The following FRMD4B variants were observed in gnomAD, a reference collection of about 807,000 sequenced individuals.
FRMD4B encodes FERM domain containing 4B, also known as FERM domain-containing protein 4B.
Under a neutral mutation model 141.5 loss-of-function variants are expected in FRMD4B, and 74 were observed. The ratio of observed to expected loss-of-function variants is 0.52; its 90% CI spans 0.43 to 0.63. FRMD4B has a LOEUF of 0.63. Among genes scored for constraint, FRMD4B ranks in the 30% least tolerant of loss-of-function variants. The pLI is 0.00. For synonymous variants in FRMD4B, 506 were observed against 467.9 expected (o/e 1.08, Z -1.05); for missense variants, 1,366 against 1,253.4 (o/e 1.09, Z -1.36).
chr3:69,198,658 T>C (rs758829242), intron 12 of FRMD4B, 40 bp downstream of exon 12: 7 of 944,536 alleles, frequency 7.4e-6, no homozygotes, highest in East Asian at 2.5e-5. Flanking sequence ...GTTATTTGTA[T>C]AGTAACTGTG....
At chr3:69,511,260 A>C (rs1242586898) in intron 1 of FRMD4B, among the ~76,000 whole-genome samples, 1 of 152,204 alleles carries the variant, frequency 6.6e-6, no homozygotes, top group African/African-American at 2.4e-5. Flanking sequence ...CCTCTTTAAA[A>C]CCATGTTGGA....
intron 5 of FRMD4B, among the ~76,000 whole-genome samples, chr3:69,259,555 T>C (rs1266389158): frequency 1.3e-5 from 2 of 152,248 alleles, no homozygotes; most frequent in Non-Finnish European, 2.9e-5. Context: ...TAAATTCATA[T>C]GTCTGTTTTT....
At chr3:69,259,409 C>CA (rs1348830421) in intron 5 of FRMD4B, among the ~76,000 whole-genome samples, 9 of 152,150 alleles carry the variant, frequency 5.9e-5, no homozygotes. Context: ...TGGTAGCAGC[C>CA]TGTGGCCTGG....
chr3:69,203,341 A>AAAAGAAAGAAAG (rs1553700371), intron 11 of FRMD4B, among the ~76,000 whole-genome samples: 16 of 76,976 alleles, frequency 2.1e-4, no homozygotes, highest in Non-Finnish European at 3.1e-4. Flanking sequence ...AAAAAAAAAA[A>AAAAGAAAGAAAG]AAAGAAAGAA....
chr3:69,381,959 C>T (rs1192995452), intron 1 of FRMD4B, among the ~76,000 whole-genome samples: 1 of 152,180 alleles, frequency 6.6e-6, no homozygotes, highest in Non-Finnish European at 1.5e-5. Flanking sequence ...TCCAGTGTTT[C>T]TTAACCTTTT....
intron 3 of FRMD4B, among the ~76,000 whole-genome samples, chr3:69,307,593 G>C (rs966987744): frequency 6.6e-6 from 1 of 152,108 alleles, no homozygotes; most frequent in African/African-American, 2.4e-5. Context: ...ACCCTCCTCA[G>C]CCTCCAAAGT....
intron 1 of FRMD4B, among the ~76,000 whole-genome samples, chr3:69,533,121 T>C (rs1310739999): frequency 6.6e-6 from 1 of 152,228 alleles, no homozygotes; most frequent in African/African-American, 2.4e-5. Flanking sequence ...ATGACATTTT[T>C]TATAAATAAT....
intron 22 of FRMD4B, among the ~76,000 whole-genome samples, chr3:69,172,751 C>T (rs908119933): frequency 2.6e-5 from 4 of 152,166 alleles, no homozygotes; most frequent in Non-Finnish European, 4.4e-5. Flanking sequence ...CAAATGAGAG[C>T]ATCCTATCAT....
In FRMD4B at chr3:69,216,283, C is replaced by G. The variant is rs2093140064; in HGVS notation, c.856G>C (p.Asp286His). The G allele has an allele frequency of 6.4e-7, 1 of 1,562,560 alleles. No individual in the cohort carries two copies. Among genetic ancestry groups the G allele is most frequent in the Non-Finnish European group, 8.8e-7 (1 of 1,142,798 alleles). The change falls in exon 11 of 23, where the codon GAC becomes CAC. Residue 286 changes from aspartate to histidine, a missense_variant. Coordinates refer to ENST00000398540, the MANE Select transcript of FRMD4B (RefSeq NM_015123.3). ...YKGIGQYDIQ[D>H]KVKPRKLFQW... ...CTTACCTTCCGAGGCTTCACCTTGT[C>G]TTGTATATCATATTGGCCAATTCCC...
intron 1 of FRMD4B, among the ~76,000 whole-genome samples, chr3:69,481,309 C>T (rs928703199): frequency 1.4e-4 from 21 of 152,286 alleles, no homozygotes; most frequent in African/African-American, 4.3e-4. Flanking sequence ...GTGTCGCTCA[C>T]GCTGGGAGCT....
chr3:69,385,837 G>A lies in FRMD4B; in HGVS notation c.153C>T (p.Asp51=), dbSNP rs781546429. 7 of 1,583,002 alleles carry A rather than the reference G, an allele frequency of 4.4e-6. No homozygotes were observed. The highest frequency in any genetic ancestry group is 1.4e-5 in the African/African-American group (1 of 73,958). ...QVLRTWCGLQ[D]VYQMTEGRHC... is the part of the protein sequence containing the mutation. ...GCGCGCTCCAGCTCACCTGGTACAC[G>A]TCCTGCAGCCCGCACCACGTCCGCA... Residue 51 remains aspartate, a synonymous_variant, in exon 1 of 23, where the codon GAC becomes GAT. Coordinates refer to ENST00000398540, the MANE Select transcript of FRMD4B (RefSeq NM_015123.3).
chr3:69,338,245 G>A (rs1322594696), intron 1 of FRMD4B, among the ~76,000 whole-genome samples: 3 of 152,116 alleles, frequency 2.0e-5, no homozygotes, highest in Non-Finnish European at 4.4e-5. Flanking sequence ...TTCATAGGTG[G>A]GAATTGAACA....
chr3:69,200,382 A>C, intron 11 of FRMD4B: 1 of 980,084 alleles, frequency 1.0e-6, no homozygotes, highest in South Asian at 4.5e-5. Flanking sequence ...CATTTCTTAA[A>C]ATCTCCACAA....
intron 11 of FRMD4B, among the ~76,000 whole-genome samples, chr3:69,214,537 C>T (rs1180492560): frequency 2.0e-5 from 3 of 152,222 alleles, no homozygotes; most frequent in South Asian, 2.1e-4. Flanking sequence ...TGGGCAAAAA[C>T]GTGTTGTACA....
chr3:69,251,151 CA>C (rs1227674824), intron 5 of FRMD4B, among the ~76,000 whole-genome samples: 1 of 151,928 alleles, frequency 6.6e-6, no homozygotes, highest in Non-Finnish European at 1.5e-5. Context: ...TTAACAAATG[CA>C]AAAAAATTCC....
chr3:69,513,986 T>C (rs1328466236), intron 1 of FRMD4B, among the ~76,000 whole-genome samples: 2 of 152,198 alleles, frequency 1.3e-5, no homozygotes, highest in East Asian at 1.9e-4. Flanking sequence ...TCCTCTAAGA[T>C]CAGGAACAAA....
At chr3:69,469,808 A>C (rs1705857354) in intron 1 of FRMD4B, among the ~76,000 whole-genome samples, 1 of 152,224 alleles carries the variant, frequency 6.6e-6, no homozygotes, top group South Asian at 2.1e-4. Context: ...TACAAGCGAG[A>C]CTTTGATTTA....
chr3:69,486,779 C>T (rs1435258245), intron 1 of FRMD4B, among the ~76,000 whole-genome samples: 1 of 152,194 alleles, frequency 6.6e-6, no homozygotes, highest in Non-Finnish European at 1.5e-5. Context: ...AAAACCCATA[C>T]ACTGATGTGA....
chr3:69,216,910 A>G (rs2093145867), intron 10 of FRMD4B, among the ~76,000 whole-genome samples: 1 of 152,204 alleles, frequency 6.6e-6, no homozygotes, highest in Admixed American at 6.5e-5. Flanking sequence ...TGTTTTGATT[A>G]AACAGTTGGA....
Sources: allele counts gnomAD v4.1 joint callset (sites outside exome capture counted in the v4.1 genomes callset), GRCh38; gene constraint gnomAD v4.1.1; transcripts MANE v1.5; gene names NCBI Gene and HGNC (gene_info 2026-07-23, HGNC 2026-07-21).